The following ESRRB variants were observed in gnomAD, a reference collection of about 807,000 sequenced individuals.
ESRRB encodes steroid hormone receptor ERR2.
Under a neutral mutation model 46.0 loss-of-function variants are expected in ESRRB, and 16 were observed. The ratio of observed to expected loss-of-function variants is 0.35; its 90% CI spans 0.24 to 0.53. The LOEUF is 0.53. Ranked by LOEUF, ESRRB falls within the 20% of genes least tolerant of loss-of-function variation. The probability of loss-of-function intolerance (pLI) is 0.93; values close to 1 mark genes in which losing one functional copy is unlikely to be tolerated. For missense variants in ESRRB, 488 were observed against 607.4 expected (o/e 0.80, Z 2.07); for synonymous variants, 246 against 259.6 (o/e 0.95, Z 0.50).
intron 1 of ESRRB, among the ~76,000 whole-genome samples, chr14:76,395,104 ACAGT>A (rs148426071): frequency 0.046 from 7,043 of 152,100 alleles, 219 homozygotes; most frequent in East Asian, 0.13. Context: ...TCCGTTTCCG[ACAGT>A]CAGCCCCTCG....
chr14:76,490,738 T>G (rs1360008694), intron 5 of ESRRB, among the ~76,000 whole-genome samples: 2 of 152,144 alleles, frequency 1.3e-5, no homozygotes, highest in East Asian at 3.9e-4. Flanking sequence ...GGAACTAGCA[T>G]GATTCCAAGC....
chr14:76,358,410 A>T (rs562684253), intron 1 of ESRRB, among the ~76,000 whole-genome samples: 1 of 143,872 alleles, frequency 7.0e-6, no homozygotes, highest in Admixed American at 7.1e-5. Flanking sequence ...AAAGAAAGAA[A>T]GAAAAGAAAA....
intron 1 of ESRRB, among the ~76,000 whole-genome samples, chr14:76,332,598 T>TA (rs371094908): frequency 1.4e-4 from 5 of 34,616 alleles, no homozygotes; most frequent in East Asian, 1.0e-3. Context: ...ATATATTATA[T>TA]ATTATATATT....
intron 3 of ESRRB, among the ~76,000 whole-genome samples, chr14:76,477,532 C>A (rs1224619191): frequency 6.6e-6 from 1 of 152,190 alleles, no homozygotes; most frequent in African/African-American, 2.4e-5. Flanking sequence ...CCTGAAGATG[C>A]AGCTGAAGCC....
chr14:76,339,329 C>T (rs534222250), intron 1 of ESRRB, among the ~76,000 whole-genome samples: 10 of 152,274 alleles, frequency 6.6e-5, no homozygotes, highest in Middle Eastern at 6.8e-3. Context: ...GGGATACTAC[C>T]ATCACTTACT....
chr14:76,473,035 G>A, intron 3 of ESRRB, among the ~76,000 whole-genome samples: 1 of 152,252 alleles, frequency 6.6e-6, no homozygotes, highest in East Asian at 1.9e-4. Flanking sequence ...AGGCTTCCTA[G>A]GGCATTCTGA....
At position 76,499,730 on chromosome 14, in the gene ESRRB, G is replaced by T; in HGVS notation, c.*1272G>T. The T allele has an allele frequency of 1.2e-6, 1 of 801,488 alleles. No individual in the cohort carries two copies. Among genetic ancestry groups the T allele is most frequent in the East Asian group, 2.5e-5 (1 of 40,216 alleles). The allele number at this position is 801,488 out of a possible 1,614,324, so 49.6% of individuals were successfully genotyped here. On this transcript the variant is annotated 3_prime_UTR_variant, in exon 7 of 7. Coordinates refer to ENST00000644823, the MANE Select transcript of ESRRB (RefSeq NM_001379180.1). ...GTAACCAACCGTCTTGGTTTGTCCA[G>T]GACGTTTCTTTATCCCAGGAAACTC...
At chr14:76,445,756 C>T (rs1416194331) in intron 2 of ESRRB, among the ~76,000 whole-genome samples, 1 of 149,730 alleles carries the variant, frequency 6.7e-6, no homozygotes, top group Admixed American at 6.7e-5. Flanking sequence ...GCGATCCTGG[C>T]TCACTTCAAC....
At chr14:76,398,988 A>T (rs8007785) in intron 1 of ESRRB, among the ~76,000 whole-genome samples, 65,716 of 151,758 alleles carry the variant, frequency 0.43, 15,256 homozygotes, top group Middle Eastern at 0.57. Context: ...GGGGTTTTTT[A>T]AATCCTCATT....
chr14:76,350,588 CTTTG>C (rs1884302484), intron 1 of ESRRB, among the ~76,000 whole-genome samples: 1 of 152,208 alleles, frequency 6.6e-6, no homozygotes, highest in South Asian at 2.1e-4. Flanking sequence ...AGATTTGGCA[CTTTG>C]TTTATTTTCA....
intron 1 of ESRRB, among the ~76,000 whole-genome samples, chr14:76,341,612 C>A (rs370725280): frequency 6.6e-6 from 1 of 152,208 alleles, no homozygotes; most frequent in Non-Finnish European, 1.5e-5. Flanking sequence ...AGTGGGGAAA[C>A]AAAAGTATGT....
At chr14:76,426,817 G>A (rs1566892048) in intron 1 of ESRRB, among the ~76,000 whole-genome samples, 1 of 152,136 alleles carries the variant, frequency 6.6e-6, no homozygotes. Context: ...GATTTTCTAA[G>A]CCCAGGAGTT....
intron 2 of ESRRB, among the ~76,000 whole-genome samples, chr14:76,446,732 G>C (rs1476026554): frequency 6.6e-6 from 1 of 152,154 alleles, no homozygotes; most frequent in African/African-American, 2.4e-5. Flanking sequence ...TCTGCAAGGA[G>C]TGAATTTGCA....
intron 1 of ESRRB, among the ~76,000 whole-genome samples, chr14:76,431,167 C>A (rs1006110210): frequency 6.6e-6 from 1 of 152,140 alleles, no homozygotes; most frequent in African/African-American, 2.4e-5. Context: ...TGGGGGCACA[C>A]GCCTGTAGTT....
intron 2 of ESRRB, among the ~76,000 whole-genome samples, chr14:76,460,790 C>T (rs1481910555): frequency 2.0e-5 from 3 of 151,416 alleles, no homozygotes; most frequent in African/African-American, 4.9e-5. Context: ...CAACCTCCGC[C>T]TCATGGGTTC....
intron 2 of ESRRB, among the ~76,000 whole-genome samples, chr14:76,444,317 G>T (rs1471741260): frequency 1.3e-5 from 2 of 152,116 alleles, no homozygotes; most frequent in African/African-American, 4.8e-5. Context: ...ATAGGCGTGA[G>T]CCACCATACC....
rs1440084328 is a variant in ESRRB at position 76,334,643 on chromosome 14, TG to T, written c.2+23728del. Among the ~76,000 whole-genome samples, 32 of 152,270 alleles carry T rather than the reference TG, an allele frequency of 2.1e-4. No individual in the cohort carries two copies. The East Asian group carries it at 6.0e-3, about 28-fold the overall frequency. On this transcript the variant is annotated intron_variant, in intron 1 of 6. Transcript: ENST00000512784. Reference sequence around the variant, plus strand: ...TGGCTGGCCTCCCTAAAGGATCTGATGTGGGGAGGGGTGGCTGGCCCCGAAG... The same window carrying T: ...TGGCTGGCCTCCCTAAAGGATCTGATTGGGGAGGGGTGGCTGGCCCCGAAG...
upstream of ESRRB, among the ~76,000 whole-genome samples, chr14:76,375,468 T>G (rs1338392723): frequency 1.3e-5 from 2 of 152,208 alleles, no homozygotes. Context: ...CTCATGTCTG[T>G]GTCCTGGGTA....
intron 1 of ESRRB, among the ~76,000 whole-genome samples, chr14:76,321,143 T>C (rs1883862070): frequency 6.6e-6 from 1 of 152,236 alleles, no homozygotes; most frequent in Non-Finnish European, 1.5e-5. Context: ...CTCCCGTAAG[T>C]CCTTAACTCT....
Sources: allele counts gnomAD v4.1 joint callset (sites outside exome capture counted in the v4.1 genomes callset), GRCh38; gene constraint gnomAD v4.1.1; transcripts MANE v1.5; gene names NCBI Gene and HGNC (gene_info 2026-07-23, HGNC 2026-07-21).